The following SLC44A5 variants were observed in gnomAD, a reference collection of about 807,000 sequenced individuals.
The protein encoded by SLC44A5 is choline transporter-like protein 5.
SLC44A5 carries 57 observed loss-of-function variants against 101.8 expected under a neutral mutation model. The ratio of observed to expected loss-of-function variants is 0.56; its 90% CI spans 0.45 to 0.70. SLC44A5 has a LOEUF of 0.70. Ranked by LOEUF, SLC44A5 falls within the 30% of genes least tolerant of loss-of-function variation. SLC44A5 has a pLI of 0.00. For synonymous variants in SLC44A5, 281 were observed against 290.9 expected, an observed-to-expected ratio of 0.97 and a Z score of 0.35; for missense variants, 737 against 853.1, an observed-to-expected ratio of 0.86 and a Z score of 1.70.
intron 9 of SLC44A5, among the ~76,000 whole-genome samples, chr1:75,241,137 T>G (rs1171216708): frequency 1.3e-5 from 2 of 152,052 alleles, no homozygotes; most frequent in Non-Finnish European, 2.9e-5. Flanking sequence ...ACTTTAAATG[T>G]GATGGACATT....
the SLC44A5 span, chr1:75,723,650 G>T: frequency 6.6e-6 from 1 of 152,156 alleles, no homozygotes; most frequent in Non-Finnish European, 1.5e-5. Flanking sequence ...TTAAGAGTCC[G>T]CTTTGTGTTT....
At chr1:75,366,950 TATC>T (rs1659902059) in intron 3 of SLC44A5, among the ~76,000 whole-genome samples, 1 of 42,856 alleles carries the variant, frequency 2.3e-5, no homozygotes, top group Admixed American at 1.8e-4. Context: ...AATAATTATC[TATC>T]TATGTTATCT....
At chr1:75,254,956 T>C (rs1312383829) in intron 6 of SLC44A5, among the ~76,000 whole-genome samples, 1 of 152,198 alleles carries the variant, frequency 6.6e-6, no homozygotes, top group Admixed American at 6.5e-5. Flanking sequence ...GATTTTGTGT[T>C]GGGCTGCACT....
chr1:75,372,632 T>A (rs1001087411), intron 3 of SLC44A5, among the ~76,000 whole-genome samples: 1 of 152,136 alleles, frequency 6.6e-6, no homozygotes, highest in Non-Finnish European at 1.5e-5. Context: ...ACTGCAAAAA[T>A]TGACCTTGGA....
the SLC44A5 span, among the ~76,000 whole-genome samples, chr1:75,673,308 TGATGACCACAA>T: frequency 6.6e-6 from 1 of 150,606 alleles, no homozygotes; most frequent in African/African-American, 2.5e-5. Context: ...GTCGGGGGTG[TGATGACCACAA>T]GGAAAACTCT....
chr1:75,275,130 C>A, intron 5 of SLC44A5, 88 bp from the exon 6 acceptor site: 2 of 833,760 alleles, frequency 2.4e-6, no homozygotes, highest in Non-Finnish European at 4.0e-6. Flanking sequence ...ACCACTGCAA[C>A]ACACTAACCT....
upstream of SLC44A5, chr1:75,615,925 TC>T (rs1675860040): frequency 2.0e-6 from 2 of 979,200 alleles, no homozygotes; most frequent in Admixed American, 1.2e-4. Flanking sequence ...CCCACGCGCT[TC>T]CTCCGGCTGC....
At chr1:75,450,524 C>T (rs571632631) in intron 2 of SLC44A5, among the ~76,000 whole-genome samples, 47 of 152,186 alleles carry the variant, frequency 3.1e-4, no homozygotes, top group Non-Finnish European at 5.4e-4. Context: ...TGGAACACAC[C>T]TCAGTAGTAG....
chr1:75,481,847 C>T lies in SLC44A5; in HGVS notation c.13+59588G>A, dbSNP rs192519789. Among the ~76,000 whole-genome samples, 255 of 152,242 alleles carry T rather than the reference C, an allele frequency of 1.7e-3. 2 individuals carry two copies. The highest frequency in any genetic ancestry group is 5.8e-3 in the African/African-American group (241 of 41,556). On this transcript the variant is annotated intron_variant, in intron 2 of 23. Transcript: ENST00000370859. ...TCAACCATTGTGGAAGTTAGTGTGGCGATTCCTCAGGGATCTAGAACTTGA... is the reference window on the plus strand; with the variant it reads ...TCAACCATTGTGGAAGTTAGTGTGGTGATTCCTCAGGGATCTAGAACTTGA...
At chr1:75,558,599 T>C (rs979912719) in intron 1 of SLC44A5, among the ~76,000 whole-genome samples, 1 of 152,058 alleles carries the variant, frequency 6.6e-6, no homozygotes, top group Non-Finnish European at 1.5e-5. Context: ...AGTTTGAAGA[T>C]CATATTCAAG....
chr1:75,558,403 T>C (rs1051353153), intron 1 of SLC44A5, among the ~76,000 whole-genome samples: 1 of 152,132 alleles, frequency 6.6e-6, no homozygotes, highest in Non-Finnish European at 1.5e-5. Flanking sequence ...GCCTAGAAAC[T>C]AGCACAGCCA....
chr1:75,606,810 C>T (rs1457567621), intron 1 of SLC44A5, among the ~76,000 whole-genome samples: 2 of 151,964 alleles, frequency 1.3e-5, no homozygotes, highest in African/African-American at 4.8e-5. Flanking sequence ...TATCATTTTC[C>T]TCCTTGATAC....
At chr1:75,273,819 G>C (rs189959543) in intron 6 of SLC44A5, among the ~76,000 whole-genome samples, 25 of 152,154 alleles carry the variant, frequency 1.6e-4, no homozygotes, top group African/African-American at 6.0e-4. Context: ...GTTCATTAAG[G>C]ATATTGGTCT....
chr1:75,397,772 G>C (rs1389166676), intron 2 of SLC44A5, among the ~76,000 whole-genome samples: 1 of 152,150 alleles, frequency 6.6e-6, no homozygotes, highest in South Asian at 2.1e-4. Context: ...TTCAAACTTA[G>C]GTCTGTGTGC....
chr1:75,574,260 T>C (rs1021722097), intron 1 of SLC44A5, among the ~76,000 whole-genome samples: 1 of 152,156 alleles, frequency 6.6e-6, no homozygotes, highest in African/African-American at 2.4e-5. Flanking sequence ...TGCAGTAATA[T>C]AGTTTTAAGA....
the SLC44A5 span, among the ~76,000 whole-genome samples, chr1:75,686,233 A>G: frequency 7.9e-5 from 12 of 152,320 alleles, no homozygotes; most frequent in African/African-American, 2.9e-4. Flanking sequence ...TTTTGTAGCC[A>G]TTTGCACACG....
At chr1:75,331,848 G>C (rs919817654) in intron 4 of SLC44A5, among the ~76,000 whole-genome samples, 1 of 152,008 alleles carries the variant, frequency 6.6e-6, no homozygotes, top group African/African-American at 2.4e-5. Flanking sequence ...GACTCTGCCT[G>C]ACTTACTCCT....
intron 1 of SLC44A5, among the ~76,000 whole-genome samples, chr1:75,545,824 C>CTT (rs57147182): frequency 5.7e-4 from 77 of 136,160 alleles, no homozygotes; most frequent in Non-Finnish European, 1.1e-3. Context: ...TTTTTCTTTT[C>CTT]TTTTTTTTTT....
intron 4 of SLC44A5, among the ~76,000 whole-genome samples, chr1:75,307,967 A>C (rs1015455059): frequency 1.1e-4 from 17 of 152,306 alleles, no homozygotes; most frequent in African/African-American, 3.6e-4. Context: ...CAGGTGTTTG[A>C]TATTAATACA....
Sources: gnomAD v4.1 joint callset for allele counts (sites outside exome capture counted in the v4.1 genomes callset) on GRCh38, gnomAD v4.1.1 for gene constraint, MANE v1.5 for transcripts, NCBI Gene and HGNC (gene_info 2026-07-23, HGNC 2026-07-21) for gene names.